Variants in EFCAB5 observed in about 807,000 individuals in gnomAD.
The protein encoded by EFCAB5 is EF-hand calcium binding domain 5, also known as EF-hand calcium-binding domain-containing protein 5.
Under a neutral mutation model 167.9 loss-of-function variants are expected in EFCAB5, and 131 were observed. The ratio of observed to expected loss-of-function variants is 0.78; its 90% CI spans 0.68 to 0.90. EFCAB5 has a LOEUF of 0.90. EFCAB5 is among the 40% of genes least tolerant of loss of function. EFCAB5 has a pLI of 0.00. For synonymous variants in EFCAB5, 574 were observed against 602.8 expected (o/e 0.95, Z 0.70); for missense variants, 1,663 against 1,745.2 (o/e 0.95, Z 0.84).
Position 30,080,012 on chromosome 17 carries a change from C to T in EFCAB5, c.3028-60C>T, listed in dbSNP as rs2070950759. The T allele has an allele frequency of 2.0e-6, 3 of 1,532,308 alleles. No individual in the cohort carries two copies. In the South Asian group the frequency reaches 3.9e-5, roughly 20 times the overall value. The allele number at this position is 1,532,308 out of a possible 1,614,324, so 94.9% of individuals were successfully genotyped here. Reference sequence around the variant, plus strand: ...TGCATGAATTAACTAGTAAGGGGGACATGATTAGGGGAGTTCTTTGGCTGT... The same window carrying T: ...TGCATGAATTAACTAGTAAGGGGGATATGATTAGGGGAGTTCTTTGGCTGT... On this transcript the variant is annotated intron_variant, in intron 15 of 22. Coordinates refer to ENST00000394835, the MANE Select transcript of EFCAB5 (RefSeq NM_198529.4).
At chr17:30,024,629 A>G (rs576146600) in intron 7 of EFCAB5, among the ~76,000 whole-genome samples, 2,921 of 151,978 alleles carry the variant, frequency 0.019, 95 homozygotes, top group African/African-American at 0.066. Flanking sequence ...TATAGATTCA[A>G]TGCCATCCCC....
chr17:30,034,499 G>A, intron 8 of EFCAB5, 114 bp downstream of exon 8: 2 of 1,251,780 alleles, frequency 1.6e-6, no homozygotes, highest in Non-Finnish European at 2.2e-6. Flanking sequence ...AGGAGTTTGA[G>A]ACCAGCCTGG....
In EFCAB5 at chr17:29,943,595, A is replaced by G. The variant is rs1180342964; in HGVS notation, c.136A>G (p.Lys46Glu). 2.5e-6 allele frequency: 4 copies of G among 1,586,322 alleles called. No individual in the cohort carries two copies. The South Asian group carries it at 4.6e-5, about 18-fold the overall frequency. Residue 46 changes from lysine (K) to glutamate (E), a missense_variant, in exon 3 of 23, where the codon AAA (lysine) becomes GAA (glutamate). Lys to Glu is a moderately conservative substitution (Grantham distance 56). Transcript: ENST00000394835. ...TLQSVPDVPVKEDTNSVVEKA... is the reference protein window; with the variant it reads ...TLQSVPDVPVEEDTNSVVEKA... ...ACAGAGTGTGCCAGACGTTCCTGTA[A>G]AAGAGGACACCAACAGTGTGGTGGA...
intron 4 of EFCAB5, among the ~76,000 whole-genome samples, chr17:29,986,504 T>C (rs1354680820): frequency 6.6e-6 from 1 of 152,130 alleles, no homozygotes; most frequent in Non-Finnish European, 1.5e-5. Flanking sequence ...ATAGGAATCG[T>C]TGTGCAGCAC....
chr17:30,069,723 C>T (rs1410867696), intron 14 of EFCAB5: 5 of 978,160 alleles, frequency 5.1e-6, no homozygotes, highest in Admixed American at 4.4e-5. Flanking sequence ...CATGTACCCC[C>T]GGTGCTGGAG....
rs892771426 is a variant in EFCAB5, at chr17:30,107,913, T to G, written c.4401T>G (p.Ala1467=). ...ACCACTGGATACACATCTGTTCAGC[T>G]CTCATGAAGATAACCAAACAACTAA... ...HLYHWIHICS[A]LMKITKQLNS... Residue 1467 remains alanine (A), a synonymous_variant, in exon 23 of 23, where the codon GCT becomes GCG. Coordinates refer to ENST00000394835, the MANE Select transcript of EFCAB5 (RefSeq NM_198529.4). 1.2e-6 allele frequency: 2 copies of G among 1,611,896 alleles called. No homozygotes were observed. The highest frequency in any genetic ancestry group is 1.7e-6 in the Non-Finnish European group (2 of 1,179,390).
At chr17:30,093,020 G>A (rs183593970) in intron 22 of EFCAB5, 84 bp downstream of exon 22, 18 of 1,044,588 alleles carry the variant, frequency 1.7e-5, no homozygotes, top group Non-Finnish European at 2.3e-5. Context: ...AAAGCAAGTG[G>A]GTCATAAATT....
rs570391772 is a variant in EFCAB5, at chr17:30,013,102, G to A, written c.1044+13126G>A. On this transcript the variant is annotated intron_variant, in intron 7 of 22. Coordinates refer to ENST00000394835, the MANE Select transcript of EFCAB5 (RefSeq NM_198529.4). ...CGGTTCTGTTTAGCTGATGGATTAC[G>A]TTTATTGATTTGTGTATGTTGAACC... 4.6e-5 allele frequency among the ~76,000 whole-genome samples: 7 copies of A among 152,138 alleles called. No individual in the cohort carries two copies. The South Asian group carries it at 1.2e-3, about 27-fold the overall frequency.
chr17:30,052,425 C>T (rs2070128977), intron 9 of EFCAB5, among the ~76,000 whole-genome samples: 1 of 152,178 alleles, frequency 6.6e-6, no homozygotes, highest in African/African-American at 2.4e-5. Context: ...CTTGGCTTCC[C>T]AAAGTGCTGG....
intron 22 of EFCAB5, among the ~76,000 whole-genome samples, chr17:30,096,674 TATA>T (rs199710220): frequency 0.028 from 1,757 of 63,048 alleles, 29 homozygotes; most frequent in Middle Eastern, 0.036. Context: ...TATATATATA[TATA>T]TTTTTTTTTT....
At chr17:30,058,505 G>A (rs1169671628) in intron 13 of EFCAB5, among the ~76,000 whole-genome samples, 1 of 151,954 alleles carries the variant, frequency 6.6e-6, no homozygotes, top group African/African-American at 2.4e-5. Flanking sequence ...ATCAAAAGGT[G>A]TATATTCATT....
At chr17:29,957,306 T>C (rs936937790) in intron 3 of EFCAB5, among the ~76,000 whole-genome samples, 1 of 152,156 alleles carries the variant, frequency 6.6e-6, no homozygotes, top group Non-Finnish European at 1.5e-5. Context: ...CCTGGCATGA[T>C]GAGGGATTTT....
chr17:30,075,736 C>G (rs542676650), intron 14 of EFCAB5, among the ~76,000 whole-genome samples: 44 of 152,326 alleles, frequency 2.9e-4, no homozygotes, highest in African/African-American at 9.9e-4. Flanking sequence ...TGCTCAGGCT[C>G]TGACAACCCA....
At position 30,005,422 on chromosome 17, in the gene EFCAB5, T is replaced by C. The variant is rs865885326; in HGVS notation, c.1044+5446T>C. Among the ~76,000 whole-genome samples the C allele has an allele frequency of 1.2e-4, 18 of 152,372 alleles. No homozygotes were observed. In the South Asian group the frequency reaches 3.3e-3, roughly 28 times the overall value. On this transcript the variant is annotated intron_variant, in intron 7 of 22. Transcript: ENST00000394835. ...TCTGGTGAGATTAAAGATTATTCTA[T>C]GTAATTTAAAAATTTCTTCTTACGT... is the stretch of plus-strand genomic sequence containing the variant.
intron 14 of EFCAB5, among the ~76,000 whole-genome samples, chr17:30,067,346 G>A (rs529304896): frequency 1.6e-4 from 24 of 152,068 alleles, no homozygotes; most frequent in Admixed American, 1.3e-3. Context: ...TGGGTGTGGC[G>A]GCCTTTACCT....
chr17:29,980,602 TTCTC>T (rs2068154759), intron 4 of EFCAB5, among the ~76,000 whole-genome samples: 1 of 152,200 alleles, frequency 6.6e-6, no homozygotes, highest in Admixed American at 6.5e-5. Context: ...TTCCTTCTGT[TTCTC>T]TATTTAGTCC....
At chr17:30,054,684 G>A (rs778767520) in intron 10 of EFCAB5, among the ~76,000 whole-genome samples, 1 of 152,136 alleles carries the variant, frequency 6.6e-6, no homozygotes, top group Non-Finnish European at 1.5e-5. Flanking sequence ...CACAGTTTCA[G>A]TTAACCACAA....
chr17:30,097,748 T>A (rs909697051), intron 22 of EFCAB5, among the ~76,000 whole-genome samples: 14 of 152,362 alleles, frequency 9.2e-5, no homozygotes, highest in African/African-American at 2.6e-4. Flanking sequence ...TCATTTTTTT[T>A]GTTTTTCCTG....
intron 8 of EFCAB5, among the ~76,000 whole-genome samples, chr17:30,039,902 C>A (rs1035502479): frequency 1.3e-5 from 2 of 152,194 alleles, no homozygotes; most frequent in Non-Finnish European, 2.9e-5. Flanking sequence ...TCAAGCCACA[C>A]CTCACCTCAT....
Sources: gnomAD v4.1 joint callset for allele counts (sites outside exome capture counted in the v4.1 genomes callset) on GRCh38, gnomAD v4.1.1 for gene constraint, MANE v1.5 for transcripts, NCBI Gene and HGNC (gene_info 2026-07-23, HGNC 2026-07-21) for gene names.